AMOTL1: variants seen among roughly 807,000 people sequenced by gnomAD.
The protein encoded by AMOTL1 is angiomotin-like protein 1.
Under a neutral mutation model 102.9 loss-of-function variants are expected in AMOTL1, and 45 were observed. That is an observed-to-expected ratio of 0.44 (90% CI 0.34 to 0.56). The LOEUF (loss-of-function observed/expected upper bound fraction) is 0.56. Among genes scored for constraint, AMOTL1 ranks in the 20% least tolerant of loss-of-function variants. AMOTL1 has a pLI of 0.01. For missense variants in AMOTL1, 1,114 were observed against 1,225.6 expected (o/e 0.91, Z 1.36); for synonymous variants, 481 against 484.7 (o/e 0.99, Z 0.10).
chr11:94,755,452 G>T (rs1486294061), intron 3 of AMOTL1, among the ~76,000 whole-genome samples: 8 of 152,182 alleles, frequency 5.3e-5, no homozygotes, highest in African/African-American at 1.7e-4. Context: ...TGTTGTATGA[G>T]TGGGGGAGGA....
At chr11:94,764,948 T>C (rs1008411304), upstream of AMOTL1, among the ~76,000 whole-genome samples, 5 of 152,208 alleles carry the variant, frequency 3.3e-5, no homozygotes, top group African/African-American at 7.2e-5. Flanking sequence ...TAGAAATAGA[T>C]AGAACATGGA....
At chr11:94,708,465 C>A (rs1949968306) in intron 1 of AMOTL1, among the ~76,000 whole-genome samples, 1 of 152,124 alleles carries the variant, frequency 6.6e-6, no homozygotes, top group Admixed American at 6.5e-5. Context: ...TGGCTTGGAC[C>A]AAATGTCTAA....
In AMOTL1 at chr11:94,872,907, G is replaced by A. The variant is rs1050032660; in HGVS notation, c.*2112G>A. 6.6e-6 allele frequency: 1 copy of A among 152,164 alleles called. No individual in the cohort carries two copies. The highest frequency in any genetic ancestry group is 2.4e-5 in the African/African-American group (1 of 41,422). 9.4% of individuals were successfully genotyped at this position (152,164 alleles called of 1,614,324 possible). On this transcript the variant is annotated 3_prime_UTR_variant, in exon 13 of 13. Coordinates refer to ENST00000433060, the MANE Select transcript of AMOTL1 (RefSeq NM_130847.3). ...ATCTCTGTTCCCACCACATTTCATA[G>A]GAGATGAGTTAGGAGATGACAGCTA...
intron 1 of AMOTL1, among the ~76,000 whole-genome samples, chr11:94,788,396 A>C (rs879357911): frequency 6.6e-6 from 1 of 152,190 alleles, no homozygotes; most frequent in African/African-American, 2.4e-5. Flanking sequence ...ACACTTTCAT[A>C]ACCCAGTCCT....
At chr11:94,780,216 C>G (rs1366660147) in intron 1 of AMOTL1, among the ~76,000 whole-genome samples, 4 of 152,196 alleles carry the variant, frequency 2.6e-5, no homozygotes. Context: ...TTGTCACTGT[C>G]TCTGAAGATG....
intron 1 of AMOTL1, among the ~76,000 whole-genome samples, chr11:94,778,169 T>G (rs1951052013): frequency 3.3e-5 from 5 of 152,200 alleles, no homozygotes; most frequent in Admixed American, 2.0e-4. Context: ...TTCTACAAGC[T>G]TAGAAGAGTT....
intron 5 of AMOTL1, among the ~76,000 whole-genome samples, chr11:94,830,858 C>A (rs1377895621): frequency 6.6e-6 from 1 of 152,228 alleles, no homozygotes; most frequent in Non-Finnish European, 1.5e-5. Flanking sequence ...TAGATCCCAC[C>A]TTTTCTGTTG....
intron 7 of AMOTL1, among the ~76,000 whole-genome samples, chr11:94,852,451 A>G (rs1410313942): frequency 6.6e-6 from 1 of 152,238 alleles, no homozygotes; most frequent in East Asian, 1.9e-4. Flanking sequence ...GTGCGGAATG[A>G]CAGGAAATAG....
chr11:94,852,817 GA>G (rs2135714286), intron 7 of AMOTL1, among the ~76,000 whole-genome samples: 1 of 152,150 alleles, frequency 6.6e-6, no homozygotes, highest in Non-Finnish European at 1.5e-5. Flanking sequence ...ACTGTAATAA[GA>G]AAAATTTTTT....
intron 2 of AMOTL1, among the ~76,000 whole-genome samples, chr11:94,732,096 C>T (rs1950363679): frequency 6.6e-6 from 1 of 152,216 alleles, no homozygotes; most frequent in Admixed American, 6.5e-5. Context: ...CACCTCTCCC[C>T]ACCACTGGCT....
intron 8 of AMOTL1, among the ~76,000 whole-genome samples, chr11:94,857,156 AG>A (rs1307874015): frequency 2.6e-5 from 4 of 152,208 alleles, no homozygotes; most frequent in Non-Finnish European, 5.9e-5. Flanking sequence ...CTATAAAGTG[AG>A]GCAAATAAAT....
chr11:94,726,924 A>C (rs1182590069), intron 1 of AMOTL1, among the ~76,000 whole-genome samples: 2 of 152,214 alleles, frequency 1.3e-5, no homozygotes, highest in African/African-American at 4.8e-5. Flanking sequence ...GCTGAAGTGA[A>C]ATTCAAGCAT....
At chr11:94,770,944 T>A (rs1950940015) in intron 1 of AMOTL1, among the ~76,000 whole-genome samples, 1 of 152,146 alleles carries the variant, frequency 6.6e-6, no homozygotes, top group Non-Finnish European at 1.5e-5. Context: ...ACCCAGGGCC[T>A]AGGGAAAAGA....
At chr11:94,838,071 A>G (rs182826) in intron 6 of AMOTL1, among the ~76,000 whole-genome samples, 40,769 of 152,082 alleles carry the variant, frequency 0.27, 6,019 homozygotes, top group Admixed American at 0.44. Flanking sequence ...GATACGGTTA[A>G]ATCTTCCTTT....
intron 1 of AMOTL1, among the ~76,000 whole-genome samples, chr11:94,711,858 G>C (rs1328701161): frequency 1.3e-5 from 2 of 151,954 alleles, no homozygotes; most frequent in Non-Finnish European, 2.9e-5. Context: ...AGGACATTTG[G>C]GTAGTTTCTA....
upstream of AMOTL1, among the ~76,000 whole-genome samples, chr11:94,764,386 T>C (rs1950830682): frequency 6.6e-6 from 1 of 152,188 alleles, no homozygotes; most frequent in Admixed American, 6.5e-5. Context: ...TTTTACATGC[T>C]TTGGTTTCAT....
Position 94,741,905 on chromosome 11 carries a change from A to G in AMOTL1, c.136+917A>G, listed in dbSNP as rs535750713. The stretch of plus-strand genomic sequence containing the variant: ...GAACTGTCCACAAACAGCGGTTTAA[A>G]TATGTTTATCCTCAGTAACACACTC... On this transcript the variant is annotated intron_variant, in intron 3 of 4. Coordinates refer to the AMOTL1 transcript ENST00000299004. 2.0e-5 allele frequency among the ~76,000 whole-genome samples: 3 copies of G among 152,292 alleles called. No homozygotes were observed. The East Asian group carries it at 5.8e-4, about 29-fold the overall frequency.
intron 3 of AMOTL1, among the ~76,000 whole-genome samples, chr11:94,801,035 A>T (rs1029767369): frequency 3.3e-5 from 5 of 152,200 alleles, no homozygotes; most frequent in Non-Finnish European, 7.3e-5. Context: ...GTCTTGGAGG[A>T]AACCAGCATC....
intron 3 of AMOTL1, among the ~76,000 whole-genome samples, chr11:94,811,556 T>C (rs903038669): frequency 6.6e-6 from 1 of 152,044 alleles, no homozygotes; most frequent in African/African-American, 2.4e-5. Flanking sequence ...TTTCCCATTT[T>C]TTTTTTTCAG....
Sources: gnomAD v4.1 joint callset for allele counts (sites outside exome capture counted in the v4.1 genomes callset) on GRCh38, gnomAD v4.1.1 for gene constraint, MANE v1.5 for transcripts, NCBI Gene and HGNC (gene_info 2026-07-23, HGNC 2026-07-21) for gene names.